LPGAT1: variants seen among roughly 807,000 people sequenced by gnomAD.
LPGAT1 encodes the protein lysophosphatidylglycerol acyltransferase 1, also known as acyl-CoA:lysophosphatidylglycerol acyltransferase 1.
In LPGAT1, 11 loss-of-function variants were observed where a neutral mutation model predicts 47.5. The ratio of observed to expected loss-of-function variants is 0.23; its 90% confidence interval spans 0.15 to 0.38. LPGAT1 has a LOEUF of 0.38. Among genes scored for constraint, LPGAT1 ranks in the 10% least tolerant of loss-of-function variants. LPGAT1 has a pLI of 1.00. For missense variants in LPGAT1, 293 were observed against 439.0 expected (o/e 0.67, Z 2.97); for synonymous variants, 138 against 144.2 (o/e 0.96, Z 0.31).
chr1:211,784,951 C>T (rs562732388), intron 4 of LPGAT1, among the ~76,000 whole-genome samples: 124 of 151,904 alleles, frequency 8.2e-4, no homozygotes, highest in African/African-American at 2.8e-3. Context: ...CTACAGGCGC[C>T]TGCCACCACA....
chr1:211,823,608 C>G (rs1197722409), intron 2 of LPGAT1, among the ~76,000 whole-genome samples: 6 of 152,016 alleles, frequency 3.9e-5, no homozygotes, highest in African/African-American at 1.4e-4. Flanking sequence ...GGTACCTGTT[C>G]CCACAGATAA....
At chr1:211,819,509 A>G (rs553152090) in intron 2 of LPGAT1, among the ~76,000 whole-genome samples, 7 of 152,118 alleles carry the variant, frequency 4.6e-5, no homozygotes, top group Non-Finnish European at 7.3e-5. Flanking sequence ...AACAAAAAAA[A>G]CCAAAAAATT....
chr1:211,785,804 A>C (rs1658855037), intron 4 of LPGAT1, among the ~76,000 whole-genome samples: 3 of 151,944 alleles, frequency 2.0e-5, no homozygotes. Context: ...ACAGGCCTTC[A>C]CCATGTTGGC....
At chr1:211,767,609 T>C (rs192824378) in intron 6 of LPGAT1, among the ~76,000 whole-genome samples, 3 of 152,236 alleles carry the variant, frequency 2.0e-5, no homozygotes, top group Non-Finnish European at 4.4e-5. Context: ...CAGTGACTGA[T>C]GGCGAAAAAC....
chr1:211,751,578 G>C (rs550822102), intron 6 of LPGAT1, among the ~76,000 whole-genome samples: 2 of 152,060 alleles, frequency 1.3e-5, no homozygotes, highest in Non-Finnish European at 2.9e-5. Flanking sequence ...AACTTTTACC[G>C]GTTGGGAGTG....
chr1:211,819,147 G>A (rs1219393620), intron 2 of LPGAT1, among the ~76,000 whole-genome samples: 2 of 152,112 alleles, frequency 1.3e-5, no homozygotes, highest in Admixed American at 6.5e-5. Flanking sequence ...GCAACAAGGA[G>A]AAAAAACTGC....
rs1037958050 is a variant in LPGAT1 at position 211,749,536 on chromosome 1, G to T, written c.*363C>A. The T allele has an allele frequency of 7.7e-6, 2 of 258,866 alleles. No individual in the cohort carries two copies. Among genetic ancestry groups the T allele is most frequent in the African/African-American group, 2.4e-5 (1 of 42,348 alleles). 16.0% of individuals were successfully genotyped at this position (258,866 alleles called of 1,614,324 possible). A position where few individuals can be genotyped will look rare whatever the true frequency, so the allele number is the denominator to read the frequency against. On this transcript the variant is annotated 3_prime_UTR_variant, in exon 8 of 8. Coordinates refer to ENST00000366997, the MANE Select transcript of LPGAT1 (RefSeq NM_014873.3). ...AATATAGACTACAGCTAAGAGGGAT[G>T]AATATAACTTTCTGAGCTTCAACTA...
Position 211,793,173 on chromosome 1 carries a change from C to G in LPGAT1, c.256G>C (p.Asp86His). The G allele has an allele frequency of 6.2e-7, 1 of 1,609,068 alleles. No homozygotes were observed. The highest frequency in any genetic ancestry group is 8.5e-7 in the Non-Finnish European group (1 of 1,177,418). Residue 86 changes from aspartate (D) to histidine (H), a missense_variant, in exon 3 of 8, where the codon GAT (aspartate) becomes CAT (histidine). Transcript: ENST00000366997. The stretch of plus-strand genomic sequence containing the variant: ...TCATCTTTTGAAACTGCTTTAATAT[C>G]TTCTCCCCATTCCATCACTGTAAGA... ...AGYTVMEWGE[D>H]IKAVSKDEAV...
At chr1:211,770,616 A>G (rs979114621) in intron 6 of LPGAT1, among the ~76,000 whole-genome samples, 1 of 152,210 alleles carries the variant, frequency 6.6e-6, no homozygotes, top group African/African-American at 2.4e-5. Context: ...TAGTCATTGT[A>G]ATGCCATAGC....
rs1658940860 is a variant in LPGAT1, at chr1:211,787,653, A to G, written c.432T>C (p.His144=). The change falls in exon 4 of 8, where the codon CAT becomes CAC. Residue 144 remains histidine (H), a synonymous_variant. Transcript: ENST00000366997. The stretch of plus-strand genomic sequence containing the variant: ...TTACCTGTCTTATAAAGAAGTCTCC[A>G]TGAACTAGAGAAACAATTCCAAAGT... ...YTNFGIVSLV[H]GDFFIRQGRS... 2.5e-6 allele frequency: 4 copies of G among 1,604,632 alleles called. No individual in the cohort carries two copies. The highest frequency in any genetic ancestry group is 3.4e-6 in the Non-Finnish European group (4 of 1,172,808).
At chr1:211,821,605 A>G (rs1001058411) in intron 2 of LPGAT1, among the ~76,000 whole-genome samples, 9 of 152,234 alleles carry the variant, frequency 5.9e-5, no homozygotes, top group African/African-American at 1.4e-4. Context: ...GTATAGTCTT[A>G]AAGCTCAAGT....
rs1345199360 is a variant in LPGAT1 at position 211,800,833 on chromosome 1, C to T, written c.239-7643G>A. On this transcript the variant is annotated intron_variant, in intron 2 of 7. Coordinates refer to ENST00000366997, the MANE Select transcript of LPGAT1 (RefSeq NM_014873.3). ...CCTAACAACATTAGGACTAAATAAACACACGTTTATAGCAAACAAAGATCC... is the reference window on the plus strand; with the variant it reads ...CCTAACAACATTAGGACTAAATAAATACACGTTTATAGCAAACAAAGATCC... Among the ~76,000 whole-genome samples, 40 of 152,162 alleles carry T rather than the reference C, an allele frequency of 2.6e-4. 1 individual carries two copies. The highest frequency in any genetic ancestry group is 1.5e-5 in the Non-Finnish European group (1 of 68,028).
At chr1:211,779,201 T>C (rs1275804208) in intron 5 of LPGAT1, among the ~76,000 whole-genome samples, 157 bp from the exon 6 acceptor site, 1 of 152,174 alleles carries the variant, frequency 6.6e-6, no homozygotes, top group African/African-American at 2.4e-5. Context: ...TCTATAACAC[T>C]CTTCAGAAGA....
At chr1:211,828,569 G>A (rs569312197) in intron 2 of LPGAT1, among the ~76,000 whole-genome samples, 1 of 152,210 alleles carries the variant, frequency 6.6e-6, no homozygotes, top group South Asian at 2.1e-4. Context: ...AGAAACATAC[G>A]TAAGAGAAAA....
chr1:211,751,444 T>C (rs1169525543), intron 6 of LPGAT1, among the ~76,000 whole-genome samples: 4 of 152,218 alleles, frequency 2.6e-5, no homozygotes, highest in Admixed American at 1.3e-4. Context: ...TAAATCAGGA[T>C]GTTCAGTCAT....
chr1:211,785,707 A>T (rs976524117), intron 4 of LPGAT1, among the ~76,000 whole-genome samples: 4 of 151,700 alleles, frequency 2.6e-5, no homozygotes, highest in Non-Finnish European at 5.9e-5. Flanking sequence ...CCCAGGTTCA[A>T]GCGATTCTCC....
chr1:211,751,106 T>C, intron 6 of LPGAT1, 39 bp from the exon 7 acceptor site: 1 of 1,323,928 alleles, frequency 7.6e-7, no homozygotes, highest in Non-Finnish European at 1.1e-6. Context: ...AACTATTTAG[T>C]TCAGAAGTCA....
In LPGAT1 at chr1:211,750,056, A is replaced by T; in HGVS notation, c.962-6T>A. 1 of 1,609,828 alleles carries T rather than the reference A, an allele frequency of 6.2e-7. No individual in the cohort carries two copies. The highest frequency in any genetic ancestry group is 1.3e-5 in the African/African-American group (1 of 74,658). ...CTTGGAAGGTGGAAAAGCTCCTAAAAGACAAGATAGAAATATTAGTTTGTT... is the reference window on the plus strand; with the variant it reads ...CTTGGAAGGTGGAAAAGCTCCTAAATGACAAGATAGAAATATTAGTTTGTT... On this transcript the variant is annotated splice_polypyrimidine_tract_variant and splice_region_variant and intron_variant, in intron 7 of 7. Coordinates refer to ENST00000366997, the MANE Select transcript of LPGAT1 (RefSeq NM_014873.3).
intron 3 of LPGAT1, among the ~76,000 whole-genome samples, chr1:211,789,729 G>T (rs1659028594): frequency 6.6e-6 from 1 of 152,096 alleles, no homozygotes; most frequent in South Asian, 2.1e-4. Context: ...AATTAGCCGG[G>T]TGTGGTGGCG....
Sources: allele counts gnomAD v4.1 joint callset (sites outside exome capture counted in the v4.1 genomes callset), GRCh38; gene constraint gnomAD v4.1.1; transcripts MANE v1.5; gene names NCBI Gene and HGNC (gene_info 2026-07-23, HGNC 2026-07-21).